Variants in ARHGAP32 observed in about 807,000 individuals in gnomAD.
ARHGAP32 encodes rho GTPase-activating protein 32.
ARHGAP32 carries 51 observed loss-of-function variants against 186.5 expected under a neutral mutation model. The ratio of observed to expected loss-of-function variants is 0.27; its 90% confidence interval spans 0.22 to 0.35. The LOEUF (loss-of-function observed/expected upper bound fraction) is 0.35, where lower values mean the gene tolerates loss of function less well. Among genes scored for constraint, ARHGAP32 ranks in the 10% least tolerant of loss-of-function variants. The pLI is 1.00. For synonymous variants in ARHGAP32, 950 were observed against 964.3 expected, an observed-to-expected ratio of 0.99 and a Z score of 0.27; for missense variants, 2,186 against 2,623.5, an observed-to-expected ratio of 0.83 and a Z score of 3.64.
intron 11 of ARHGAP32, among the ~76,000 whole-genome samples, chr11:129,006,820 A>T (rs1484810698): frequency 2.0e-5 from 3 of 152,210 alleles, no homozygotes; most frequent in African/African-American, 7.2e-5. Context: ...CAAGGCAGTG[A>T]GTTCCCCCAG....
chr11:129,100,658 C>A (rs1165602444), intron 5 of ARHGAP32, among the ~76,000 whole-genome samples: 1 of 152,138 alleles, frequency 6.6e-6, no homozygotes, highest in Non-Finnish European at 1.5e-5. Context: ...CAACCCCAAC[C>A]CTGCCTGCAC....
chr11:129,036,405 A>AAAAG (rs1565388413), intron 11 of ARHGAP32, among the ~76,000 whole-genome samples: 4 of 147,312 alleles, frequency 2.7e-5, no homozygotes, highest in African/African-American at 4.9e-5. Context: ...AAAAAAAAAA[A>AAAAG]AGAGAGAAAG....
intron 2 of ARHGAP32, among the ~76,000 whole-genome samples, chr11:129,156,853 C>T (rs1943420647): frequency 6.6e-6 from 1 of 152,150 alleles, no homozygotes; most frequent in Non-Finnish European, 1.5e-5. Context: ...GGCGGGTGCC[C>T]CTCTGGGACG....
intron 1 of ARHGAP32, among the ~76,000 whole-genome samples, chr11:129,247,115 A>C (rs1945111072): frequency 6.6e-6 from 1 of 152,202 alleles, no homozygotes; most frequent in African/African-American, 2.4e-5. Flanking sequence ...GCATCTAGTA[A>C]ATTGTTAATA....
intron 2 of ARHGAP32, among the ~76,000 whole-genome samples, chr11:129,163,770 C>A (rs184335756): frequency 6.6e-6 from 1 of 152,224 alleles, no homozygotes; most frequent in East Asian, 1.9e-4. Flanking sequence ...GCCAAAAATC[C>A]TCCAATGGTT....
intron 1 of ARHGAP32, among the ~76,000 whole-genome samples, chr11:129,173,847 T>G (rs688576): frequency 0.29 from 43,357 of 152,080 alleles, 6,510 homozygotes; most frequent in Middle Eastern, 0.4. Flanking sequence ...AAATCAAGAA[T>G]GTTGTCTTCT....
intron 7 of ARHGAP32, among the ~76,000 whole-genome samples, chr11:129,065,154 C>A (rs1489538882): frequency 1.3e-5 from 2 of 152,120 alleles, no homozygotes; most frequent in Non-Finnish European, 2.9e-5. Context: ...TTATCATCAG[C>A]GATCATACTA....
At chr11:129,179,520 G>T (rs574727468) in intron 1 of ARHGAP32, among the ~76,000 whole-genome samples, 5 of 148,570 alleles carry the variant, frequency 3.4e-5, no homozygotes, top group African/African-American at 1.2e-4. Context: ...CATTATTCAT[G>T]ATAGCAAAGA....
At chr11:129,211,174 G>A (rs1565469819) in intron 1 of ARHGAP32, among the ~76,000 whole-genome samples, 1 of 152,082 alleles carries the variant, frequency 6.6e-6, no homozygotes, top group Non-Finnish European at 1.5e-5. Flanking sequence ...ACTCTGACAT[G>A]TTTTTTAACT....
upstream of ARHGAP32, among the ~76,000 whole-genome samples, chr11:129,194,753 C>CA (rs1239359214): frequency 2.5e-3 from 362 of 143,022 alleles, no homozygotes; most frequent in African/African-American, 8.9e-3. Flanking sequence ...AACTCCGTCT[C>CA]AAAAAAAAAA....
At chr11:129,025,230 C>T (rs1408937703) in intron 11 of ARHGAP32, among the ~76,000 whole-genome samples, 1 of 152,000 alleles carries the variant, frequency 6.6e-6, no homozygotes, top group Non-Finnish European at 1.5e-5. Flanking sequence ...TGCCAAGGTC[C>T]CATAACAGTA....
At chr11:129,052,072 A>G (rs908653131) in intron 10 of ARHGAP32, among the ~76,000 whole-genome samples, 1 of 151,872 alleles carries the variant, frequency 6.6e-6, no homozygotes, top group Non-Finnish European at 1.5e-5. Context: ...ACATTTAGGT[A>G]TATTATCTAT....
At chr11:129,124,386 G>A (rs765500594) in intron 3 of ARHGAP32, among the ~76,000 whole-genome samples, 40 of 152,112 alleles carry the variant, frequency 2.6e-4, no homozygotes, top group Non-Finnish European at 4.9e-4. Context: ...TCAGATTAGA[G>A]ATGCTCAACC....
At chr11:128,992,355 T>C (rs1946080098) in intron 12 of ARHGAP32, among the ~76,000 whole-genome samples, 1 of 151,714 alleles carries the variant, frequency 6.6e-6, no homozygotes. Flanking sequence ...GTTTTAAATA[T>C]GTACACCAAA....
intron 6 of ARHGAP32, among the ~76,000 whole-genome samples, chr11:129,078,136 C>T (rs977036919): frequency 1.3e-5 from 2 of 152,162 alleles, no homozygotes; most frequent in East Asian, 1.9e-4. Flanking sequence ...AGATGGATCA[C>T]ATCAGACACT....
rs143344945 is a variant in ARHGAP32, at chr11:129,023,551, C to T, written c.1045+17377G>A. ...TCATAAAAACTTTTATTATATTAAA[C>T]TAATGTATAGAAAACAAGAAATAAG... On this transcript the variant is annotated intron_variant, in intron 11 of 22. Coordinates refer to ENST00000682385, the MANE Select transcript of ARHGAP32 (RefSeq NM_001378024.1). 3.4e-3 allele frequency among the ~76,000 whole-genome samples: 521 copies of T among 152,028 alleles called. 4 individuals are homozygous for T. The highest frequency in any genetic ancestry group is 0.012 in the African/African-American group (495 of 41,496).
chr11:129,174,249 C>T (rs556852526), intron 1 of ARHGAP32, among the ~76,000 whole-genome samples: 1 of 152,290 alleles, frequency 6.6e-6, no homozygotes, highest in Non-Finnish European at 1.5e-5. Context: ...TAAAAAATGG[C>T]GCACCAGGAC....
intron 12 of ARHGAP32, among the ~76,000 whole-genome samples, chr11:128,993,915 T>C (rs1413453176): frequency 1.3e-5 from 2 of 151,952 alleles, no homozygotes; most frequent in Non-Finnish European, 2.9e-5. Context: ...TGACAAAAAA[T>C]CAATGATACC....
intron 11 of ARHGAP32, among the ~76,000 whole-genome samples, chr11:129,027,773 T>G (rs2134941039): frequency 6.6e-6 from 1 of 152,348 alleles, no homozygotes; most frequent in Non-Finnish European, 1.5e-5. Flanking sequence ...TTCATTGCCC[T>G]TATCTATCAT....
Sources: gnomAD v4.1 joint callset for allele counts (sites outside exome capture counted in the v4.1 genomes callset) on GRCh38, gnomAD v4.1.1 for gene constraint, MANE v1.5 for transcripts, NCBI Gene and HGNC (gene_info 2026-07-23, HGNC 2026-07-21) for gene names.